The following PDZRN3 variants were observed in gnomAD, a reference collection of about 807,000 sequenced individuals.
PDZRN3 encodes the protein PDZ domain containing ring finger 3, also known as E3 ubiquitin-protein ligase PDZRN3.
In PDZRN3, 38 loss-of-function variants were observed where a neutral mutation model predicts 85.7. The ratio of observed to expected loss-of-function variants is 0.44; its 90% CI spans 0.34 to 0.58. PDZRN3 has a LOEUF of 0.58. PDZRN3 is among the 20% of genes least tolerant of loss of function. The pLI is 0.01. For missense variants in PDZRN3, 1,629 were observed against 1,506.4 expected (o/e 1.08, Z -1.35); for synonymous variants, 759 against 638.0 (o/e 1.19, Z -2.86).
intron 3 of PDZRN3, among the ~76,000 whole-genome samples, chr3:73,457,726 C>T (rs1703015497): frequency 6.6e-6 from 1 of 152,136 alleles, no homozygotes; most frequent in African/African-American, 2.4e-5. Context: ...GGGCTTTTGG[C>T]AGGTGATTCT....
chr3:73,427,439 C>T (rs1487897018), intron 3 of PDZRN3, among the ~76,000 whole-genome samples: 2 of 152,138 alleles, frequency 1.3e-5, no homozygotes, highest in Non-Finnish European at 2.9e-5. Context: ...TACCCACCCC[C>T]CCACCACCGC....
chr3:73,417,199 G>T (rs560977324), intron 3 of PDZRN3, among the ~76,000 whole-genome samples: 5 of 152,248 alleles, frequency 3.3e-5, no homozygotes, highest in Admixed American at 3.3e-4. Flanking sequence ...TAACTCCATC[G>T]TAAGTTAAGG....
At position 73,477,990 on chromosome 3, in the gene PDZRN3, C is replaced by A. The variant is rs186344279; in HGVS notation, c.919-73595G>T. ...AAAACCTGCCCCCATGATTCAATTA[C>A]CTCCCACTGGGTCCCTCCCAAGAAA... On this transcript the variant is annotated intron_variant, in intron 3 of 9. Transcript: ENST00000263666. Among the ~76,000 whole-genome samples, 35 of 152,292 alleles carry A rather than the reference C, an allele frequency of 2.3e-4. No individual in the cohort carries two copies. In the South Asian group the frequency reaches 7.1e-3, roughly 31 times the overall value.
chr3:73,513,112 G>A (rs1173494390), intron 3 of PDZRN3, among the ~76,000 whole-genome samples: 1 of 152,154 alleles, frequency 6.6e-6, no homozygotes, highest in Non-Finnish European at 1.5e-5. Flanking sequence ...GCCTGCCAGG[G>A]CACTCTGAAT....
At chr3:73,583,137 T>C (rs1376929967) in intron 3 of PDZRN3, among the ~76,000 whole-genome samples, 1 of 152,212 alleles carries the variant, frequency 6.6e-6, no homozygotes, top group East Asian at 1.9e-4. Context: ...GATTTATTAA[T>C]TCATTTAAAT....
chr3:73,390,781 C>T (rs552339816), intron 6 of PDZRN3, among the ~76,000 whole-genome samples: 18 of 151,962 alleles, frequency 1.2e-4, no homozygotes, highest in African/African-American at 3.1e-4. Flanking sequence ...ACCATGTAAA[C>T]GGCTCCATTT....
At chr3:73,404,619 G>A in intron 3 of PDZRN3, 1 of 493,626 alleles carries the variant, frequency 2.0e-6, no homozygotes, top group South Asian at 3.4e-5. Context: ...AAATCTCACA[G>A]CGGGAAGGCT....
intron 1 of PDZRN3, among the ~76,000 whole-genome samples, chr3:73,619,052 T>C (rs1047371703): frequency 1.3e-5 from 2 of 152,216 alleles, no homozygotes; most frequent in African/African-American, 4.8e-5. Flanking sequence ...AAGGACAAAA[T>C]AGTTTCTAGG....
chr3:73,486,330 A>C, intron 3 of PDZRN3, among the ~76,000 whole-genome samples: 1 of 152,106 alleles, frequency 6.6e-6, no homozygotes, highest in South Asian at 2.1e-4. Context: ...ACAAGTGTAC[A>C]GCTGGGGATT....
intron 3 of PDZRN3, among the ~76,000 whole-genome samples, chr3:73,463,815 T>C (rs1332772761): frequency 1.3e-4 from 20 of 152,114 alleles, no homozygotes; most frequent in Admixed American, 1.3e-3. Flanking sequence ...GTGGTACATA[T>C]ACACCATGGA....
At chr3:73,428,443 T>C (rs965827929) in intron 3 of PDZRN3, among the ~76,000 whole-genome samples, 3 of 152,234 alleles carry the variant, frequency 2.0e-5, no homozygotes, top group African/African-American at 7.2e-5. Flanking sequence ...ATCCAACTTA[T>C]TCAACCAACC....
At position 73,383,971 on chromosome 3, in the gene PDZRN3, G is replaced by A. The variant is rs746216894; in HGVS notation, c.2595C>T (p.His865=). The A allele has an allele frequency of 4.5e-5, 71 of 1,595,084 alleles. No individual in the cohort carries two copies. The highest frequency in any genetic ancestry group is 6.8e-5 in the Admixed American group (4 of 58,720). Reference sequence around the variant, plus strand: ...GGATGTGCGCGTGCTTGTATGGGGAGTGGTGATAGGAGGGCAGGTAGGCGC... The same window carrying A: ...GGATGTGCGCGTGCTTGTATGGGGAATGGTGATAGGAGGGCAGGTAGGCGC... ...LGSAYLPSYH[H]SPYKHAHIPA... is the part of the protein sequence containing the mutation. Residue 865 remains histidine, a synonymous_variant, in exon 10 of 10, where the codon CAC becomes CAT. Coordinates refer to ENST00000263666, the MANE Select transcript of PDZRN3 (RefSeq NM_015009.3).
At chr3:73,473,672 T>C (rs1575677581) in intron 3 of PDZRN3, among the ~76,000 whole-genome samples, 1 of 152,154 alleles carries the variant, frequency 6.6e-6, no homozygotes, top group African/African-American at 2.4e-5. Context: ...TTATATGATA[T>C]ATGAAGAAAC....
At chr3:73,558,074 T>C (rs1422667361) in intron 3 of PDZRN3, among the ~76,000 whole-genome samples, 1 of 152,132 alleles carries the variant, frequency 6.6e-6, no homozygotes, top group Non-Finnish European at 1.5e-5. Flanking sequence ...CTTTAATATA[T>C]GTTTTTTTTC....
chr3:73,598,151 C>T (rs1482294613), intron 3 of PDZRN3, among the ~76,000 whole-genome samples: 5 of 152,036 alleles, frequency 3.3e-5, no homozygotes, highest in African/African-American at 1.2e-4. Context: ...AAATCTGCCT[C>T]AGTTGGATAA....
Position 73,624,773 on chromosome 3 carries a change from C to T in PDZRN3, c.53G>A (p.Cys18Tyr). ...FDGDVDPDLK[C>Y]ALCHKVLEDP... ...CTCCAGGACCTTGTGGCACAGCGCGCACTTCAGGTCCGGGTCCACGTCGCC... is the reference window on the plus strand; with the variant it reads ...CTCCAGGACCTTGTGGCACAGCGCGTACTTCAGGTCCGGGTCCACGTCGCC... Residue 18 changes from cysteine to tyrosine, a missense_variant, in exon 1 of 10, where the codon TGC becomes TAC. Physicochemically the swap from Cys to Tyr is radical, Grantham distance 194 (BLOSUM62 -2). Coordinates refer to ENST00000263666, the MANE Select transcript of PDZRN3 (RefSeq NM_015009.3). 6.9e-7 allele frequency: 1 copy of T among 1,446,998 alleles called. No homozygotes were observed. Among genetic ancestry groups the T allele is most frequent in the Non-Finnish European group, 9.1e-7 (1 of 1,104,758 alleles). The allele number at this position is 1,446,998 out of a possible 1,614,324, so 89.6% of individuals were successfully genotyped here.
intron 3 of PDZRN3, among the ~76,000 whole-genome samples, chr3:73,562,702 C>A (rs1419646703): frequency 6.6e-6 from 1 of 151,928 alleles, no homozygotes; most frequent in Admixed American, 6.6e-5. Context: ...ACCATCAAAG[C>A]CCGAATAGAG....
intron 3 of PDZRN3, among the ~76,000 whole-genome samples, chr3:73,406,929 G>A (rs115458667): frequency 4.3e-4 from 66 of 152,334 alleles, no homozygotes; most frequent in African/African-American, 1.6e-3. Flanking sequence ...AGCAGGCAAT[G>A]TCAGCTGCCT....
intron 1 of PDZRN3, among the ~76,000 whole-genome samples, chr3:73,622,548 G>GC (rs1321960819): frequency 1.3e-5 from 2 of 152,184 alleles, no homozygotes; most frequent in East Asian, 3.9e-4. Context: ...GGGCGACTTT[G>GC]CCCCTCCAGA....
Sources: gnomAD v4.1 joint callset for allele counts (sites outside exome capture counted in the v4.1 genomes callset) on GRCh38, gnomAD v4.1.1 for gene constraint, MANE v1.5 for transcripts, NCBI Gene and HGNC (gene_info 2026-07-23, HGNC 2026-07-21) for gene names.